EBF4: variants seen among roughly 807,000 people sequenced by gnomAD.
The protein encoded by EBF4 is transcription factor COE4.
A neutral mutation model predicts 67.1 loss-of-function variants in EBF4; 34 were observed. That is an observed-to-expected ratio of 0.51 (90% CI 0.39 to 0.67). The LOEUF (loss-of-function observed/expected upper bound fraction) is 0.67. EBF4 is among the 30% of genes least tolerant of loss of function. The pLI, the probability that EBF4 is intolerant of heterozygous loss-of-function variation, is 0.00. For missense variants in EBF4, 837 were observed against 873.3 expected (o/e 0.96, Z 0.52); for synonymous variants, 387 against 377.7 (o/e 1.02, Z -0.29).
In EBF4 at chr20:2,693,848, G is replaced by C. The variant is rs1032078469; in HGVS notation, c.137+66G>C. The C allele has an allele frequency of 4.8e-6, 6 of 1,253,712 alleles. No homozygotes were observed. In the African/African-American group the frequency reaches 9.3e-5, roughly 19 times the overall value. The allele number at this position is 1,253,712 out of a possible 1,614,324, so 77.7% of individuals were successfully genotyped here. A position where few individuals can be genotyped will look rare whatever the true frequency, so the allele number is the denominator to read the frequency against. ...GCTGCGCGCCGCCTCAGCTCAGCTT[G>C]CTGGAGCTGCTGGAGCCAGGGGCGG... On this transcript the variant is annotated intron_variant, in intron 1 of 16. Transcript: ENST00000609451. This position sits in a 1 kb window ranked among gnomAD's most constrained non-coding sequence, Gnocchi z 4.6.
intron 6 of EBF4, among the ~76,000 whole-genome samples, chr20:2,740,308 G>A (rs911469165): frequency 1.1e-4 from 17 of 148,930 alleles, no homozygotes; most frequent in East Asian, 4.0e-4. Context: ...GCGAGACTCC[G>A]TTTCAAAAAA....
At chr20:2,744,492 C>CT (rs35298353) in intron 6 of EBF4, among the ~76,000 whole-genome samples, 35,666 of 115,270 alleles carry the variant, frequency 0.31, 6,885 homozygotes, top group East Asian at 0.43. Context: ...TTTTTCTTTT[C>CT]TTTTTTTTTT....
intron 5 of EBF4, 54 bp downstream of exon 5, chr20:2,708,074 A>G: frequency 6.5e-7 from 1 of 1,545,536 alleles, no homozygotes; most frequent in South Asian, 1.2e-5. Context: ...GTTTCTGAGG[A>G]CTCTACCCAG....
In EBF4 at chr20:2,707,871, C is replaced by T; in HGVS notation, c.415-76C>T. On this transcript the variant is annotated intron_variant, in intron 4 of 16. Coordinates refer to ENST00000609451, the Ensembl canonical transcript of EBF4. The surrounding 1 kb of genome is among the most constrained non-coding windows in gnomAD (Gnocchi z 4.6). ...CCCTGGGCCTAGGCTTGGGAGATGCCAGGTCCGTCTGTGCTGCCACCTGCA... is the reference window on the plus strand; with the variant it reads ...CCCTGGGCCTAGGCTTGGGAGATGCTAGGTCCGTCTGTGCTGCCACCTGCA... 7.1e-7 allele frequency: 1 copy of T among 1,404,030 alleles called. No homozygotes were observed. Among genetic ancestry groups the T allele is most frequent in the Non-Finnish European group, 9.7e-7 (1 of 1,035,136 alleles). 87.0% of individuals were successfully genotyped at this position (1,404,030 alleles called of 1,614,324 possible). A position where few individuals can be genotyped will look rare whatever the true frequency, so the allele number is the denominator to read the frequency against.
In EBF4 at chr20:2,714,032, C is replaced by T. The variant is rs370637221; in HGVS notation, c.557+4390C>T. Among the ~76,000 whole-genome samples, 590 of 152,198 alleles carry T rather than the reference C, an allele frequency of 3.9e-3. 4 individuals are homozygous for T. The highest frequency in any genetic ancestry group is 4.9e-3 in the Non-Finnish European group (335 of 68,010). ...AATGTTCAAGGGTGTATATAATGATCCAGGAGTAAAGCTTCATGGAGTGAA... is the reference window on the plus strand; with the variant it reads ...AATGTTCAAGGGTGTATATAATGATTCAGGAGTAAAGCTTCATGGAGTGAA... On this transcript the variant is annotated intron_variant, in intron 6 of 16. Transcript: ENST00000609451.
At chr20:2,706,296 C>A in intron 4 of EBF4, 32 bp downstream of exon 4, 1 of 1,551,450 alleles carries the variant, frequency 6.4e-7, no homozygotes, top group African/African-American at 1.4e-5. Flanking sequence ...TGAGGCCCAT[C>A]TCACTCTCTT....
At chr20:2,752,599 C>T in intron 14 of EBF4, 54 bp downstream of exon 14, 1 of 1,200,498 alleles carries the variant, frequency 8.3e-7, no homozygotes, top group Non-Finnish European at 1.0e-6. Context: ...CGGAACGGGA[C>T]TCAGCCCCGC....
rs371279463 is a variant in EBF4 at position 2,707,995 on chromosome 20, C to T, written c.463C>T (p.Leu155=). ...CAAGAACCCCGAAATGTGCCGAGTG[C>T]TGCTCACCCATGAGATCATGTGCAG... is the stretch of plus-strand genomic sequence containing the variant. The change falls in exon 5 of 17, where the codon CTG becomes TTG. Residue 155 remains leucine, a synonymous_variant. Coordinates refer to ENST00000609451, the Ensembl canonical transcript of EBF4. The surrounding 1 kb of genome is among the most constrained non-coding windows in gnomAD (Gnocchi z 4.6). The T allele has an allele frequency of 2.0e-4, 319 of 1,609,116 alleles. No individual in the cohort carries two copies. Among genetic ancestry groups the T allele is most frequent in the Non-Finnish European group, 2.6e-4 (308 of 1,177,536 alleles).
At chr20:2,719,561 C>T (rs1172885483) in intron 6 of EBF4, among the ~76,000 whole-genome samples, 1 of 152,188 alleles carries the variant, frequency 6.6e-6, no homozygotes, top group Non-Finnish European at 1.5e-5. Context: ...GCATGAACCA[C>T]CGTGCCTGGC....
At chr20:2,724,090 A>G (rs1295332916) in intron 6 of EBF4, among the ~76,000 whole-genome samples, 2 of 152,216 alleles carry the variant, frequency 1.3e-5, no homozygotes, top group Non-Finnish European at 2.9e-5. Context: ...GAGCTGGTTT[A>G]TACTGGCTCA....
rs565792471 is a variant in EBF4 at position 2,757,542 on chromosome 20, G to T, written c.1739-1367G>T. On this transcript the variant is annotated intron_variant, in intron 15 of 16. Transcript: ENST00000609451. ...GGAAGGACTTGCCCAAGCAAGGTTTGAAGAAGGCAGGGGTTCTTAGTGGGG... is the reference window on the plus strand; with the variant it reads ...GGAAGGACTTGCCCAAGCAAGGTTTTAAGAAGGCAGGGGTTCTTAGTGGGG... Among the ~76,000 whole-genome samples, 30 of 152,336 alleles carry T rather than the reference G, an allele frequency of 2.0e-4. No individual in the cohort carries two copies. In the South Asian group the frequency reaches 6.2e-3, roughly 32 times the overall value.
intron 1 of EBF4, among the ~76,000 whole-genome samples, chr20:2,697,722 C>T (rs923123043): frequency 8.5e-5 from 13 of 152,164 alleles, no homozygotes; most frequent in East Asian, 7.8e-4. Flanking sequence ...GCCAACAGGA[C>T]GTTATCTCTG....
rs1200601236 is a variant in EBF4, at chr20:2,717,593, C to A, written c.557+7951C>A. 3.3e-5 allele frequency among the ~76,000 whole-genome samples: 5 copies of A among 151,940 alleles called. No homozygotes were observed. In the East Asian group the frequency reaches 9.6e-4, roughly 29 times the overall value. ...GCATCTTTTGTTATGTTTTCTAATT[C>A]TTTGTTTATATTATAGAGAAATGCA... On this transcript the variant is annotated intron_variant, in intron 6 of 16. Coordinates refer to ENST00000609451, the Ensembl canonical transcript of EBF4.
In EBF4 at chr20:2,751,876, C is replaced by T; in HGVS notation, c.1108-46C>T. ...GGCTCCCGAGGGCCCCTTGGTCGCC[C>T]CCAGGGGCTGCCCCTCCGTCCCGCT... On this transcript the variant is annotated intron_variant, in intron 11 of 16. Transcript: ENST00000609451. The surrounding 1 kb of genome is among the most constrained non-coding windows in gnomAD (Gnocchi z 5.2). 1.9e-6 allele frequency: 3 copies of T among 1,548,874 alleles called. No homozygotes were observed. In the South Asian group the frequency reaches 3.6e-5, roughly 18 times the overall value.
At chr20:2,700,952 C>A (rs2087366228) in intron 1 of EBF4, among the ~76,000 whole-genome samples, 1 of 152,234 alleles carries the variant, frequency 6.6e-6, no homozygotes, top group African/African-American at 2.4e-5. Flanking sequence ...GCTTGAGCTT[C>A]TCCAAGCCTG....
intron 6 of EBF4, among the ~76,000 whole-genome samples, chr20:2,722,511 C>CTTTGTATGCA (rs1568574719): frequency 6.6e-6 from 1 of 152,170 alleles, no homozygotes; most frequent in Non-Finnish European, 1.5e-5. Flanking sequence ...CTAGGATACT[C>CTTTGTATGCA]TTTGTATGCA....
rs1205512567 is a variant in EBF4, at chr20:2,748,439, C to A, written c.558-110C>A. 9 of 1,010,752 alleles carry A rather than the reference C, an allele frequency of 8.9e-6. No individual in the cohort carries two copies. In the Admixed American group the frequency reaches 1.3e-4, roughly 15 times the overall value. 62.6% of individuals were successfully genotyped at this position (1,010,752 alleles called of 1,614,324 possible). A position where few individuals can be genotyped will look rare whatever the true frequency, so the allele number is the denominator to read the frequency against. On this transcript the variant is annotated intron_variant, in intron 6 of 16. Transcript: ENST00000609451. ...TATGGGATGTGTGCCTGAGTGGGAGCAGGCAGAGGGGACTCATCCTGTGGG... is the reference window on the plus strand; with the variant it reads ...TATGGGATGTGTGCCTGAGTGGGAGAAGGCAGAGGGGACTCATCCTGTGGG...
chr20:2,719,102 ATTTAT>A (rs2087646536), intron 6 of EBF4, among the ~76,000 whole-genome samples: 1 of 151,758 alleles, frequency 6.6e-6, no homozygotes, highest in African/African-American at 2.4e-5. Flanking sequence ...TTATTTACTT[ATTTAT>A]TTTGAGACTG....
intron 1 of EBF4, among the ~76,000 whole-genome samples, chr20:2,697,292 T>C (rs1181109679): frequency 1.3e-5 from 2 of 152,018 alleles, no homozygotes; most frequent in African/African-American, 4.8e-5. Context: ...ACGCCTGTAA[T>C]CCCAGCACTT....
Sources: allele counts gnomAD v4.1 joint callset (sites outside exome capture counted in the v4.1 genomes callset), GRCh38; gene constraint gnomAD v4.1.1; non-coding constraint Gnocchi (gnomAD v3.1); transcripts MANE v1.5; gene names NCBI Gene and HGNC (gene_info 2026-07-23, HGNC 2026-07-21).